Variants in BCAS4 observed in about 807,000 individuals in gnomAD.
BCAS4 encodes breast carcinoma amplified sequence 4.
A neutral mutation model predicts 15.7 loss-of-function variants in BCAS4; 9 were observed. The observed-to-expected ratio is 0.57, with a 90% CI of 0.34 to 1.00. BCAS4 has a LOEUF of 1.00. Ranked by LOEUF, BCAS4 falls within the 50% of genes least tolerant of loss-of-function variation. The pLI is 0.02. For synonymous variants in BCAS4, 101 were observed against 99.5 expected (o/e 1.02, Z -0.09); for missense variants, 225 against 239.1 (o/e 0.94, Z 0.39).
intron 4 of BCAS4, among the ~76,000 whole-genome samples, chr20:50,863,837 C>G (rs1238709148): frequency 1.3e-5 from 2 of 152,190 alleles, no homozygotes; most frequent in Admixed American, 6.5e-5. Flanking sequence ...AGCGAGGCCA[C>G]TGGGCACAGC....
At chr20:50,803,571 A>T (rs1393530789) in intron 1 of BCAS4, among the ~76,000 whole-genome samples, 2 of 152,090 alleles carry the variant, frequency 1.3e-5, no homozygotes, top group Non-Finnish European at 2.9e-5. Context: ...GGTCAGATGC[A>T]GTATCTCATG....
At chr20:50,869,397 G>A (rs1979519222) in intron 4 of BCAS4, among the ~76,000 whole-genome samples, 1 of 152,184 alleles carries the variant, frequency 6.6e-6, no homozygotes, top group South Asian at 2.1e-4. Flanking sequence ...TTGGATCCCA[G>A]CCTGTGAGTA....
intron 4 of BCAS4, among the ~76,000 whole-genome samples, chr20:50,873,580 C>G (rs1235083154): frequency 6.6e-6 from 1 of 152,270 alleles, no homozygotes; most frequent in Non-Finnish European, 1.5e-5. Flanking sequence ...AATTCCACAC[C>G]TGTGGGTTAC....
intron 1 of BCAS4, among the ~76,000 whole-genome samples, chr20:50,815,200 A>ACCACGCCGTGC (rs2088123206): frequency 6.6e-6 from 1 of 152,098 alleles, no homozygotes; most frequent in Admixed American, 6.6e-5. Context: ...AAGTGCCGTG[A>ACCACGCCGTGC]CCACGCCGTG....
intron 1 of BCAS4, among the ~76,000 whole-genome samples, chr20:50,817,473 T>C (rs1463316322): frequency 6.7e-6 from 1 of 150,286 alleles, no homozygotes; most frequent in African/African-American, 2.5e-5. Flanking sequence ...AGACATGTAC[T>C]TTTTTTTGAG....
At chr20:50,831,224 T>C (rs73127472) in intron 3 of BCAS4, among the ~76,000 whole-genome samples, 11,302 of 151,836 alleles carry the variant, frequency 0.074, 611 homozygotes, top group Admixed American at 0.16. Context: ...AGGCCAAGAG[T>C]TCGAAACCAC....
chr20:50,796,313 G>A (rs1287832783), intron 1 of BCAS4, among the ~76,000 whole-genome samples: 25 of 144,654 alleles, frequency 1.7e-4, no homozygotes, highest in Non-Finnish European at 3.8e-4. Context: ...AGGCTGCAGT[G>A]AGCTGAGATC....
chr20:50,794,989 G>C (rs970674141), upstream of BCAS4: 3 of 1,278,356 alleles, frequency 2.3e-6, no homozygotes, highest in East Asian at 9.5e-5. Flanking sequence ...GGCGGTCCGC[G>C]GGGCATGCAG....
intron 3 of BCAS4, among the ~76,000 whole-genome samples, chr20:50,832,538 A>G (rs938809086): frequency 6.6e-6 from 1 of 152,174 alleles, no homozygotes; most frequent in African/African-American, 2.4e-5. Context: ...GATTACAGGC[A>G]TGAGCCACCA....
intron 2 of BCAS4, 76 bp downstream of exon 2, chr20:50,818,358 C>T (rs1488994930): frequency 4.2e-6 from 6 of 1,435,118 alleles, no homozygotes; most frequent in Non-Finnish European, 4.8e-6. Context: ...TCTGCGGAAG[C>T]CATTTTGGTG....
chr20:50,869,044 C>A (rs1040472918), intron 4 of BCAS4, among the ~76,000 whole-genome samples: 1 of 152,252 alleles, frequency 6.6e-6, no homozygotes, highest in African/African-American at 2.4e-5. Flanking sequence ...TCTAGCCTCA[C>A]TGCCATGCTC....
chr20:50,843,128 T>A (rs1030430720), intron 4 of BCAS4, among the ~76,000 whole-genome samples: 1 of 151,952 alleles, frequency 6.6e-6, no homozygotes, highest in South Asian at 2.1e-4. Context: ...CCTGGCTAAT[T>A]TTTCTTTTTG....
chr20:50,856,523 C>T (rs1978767724), intron 4 of BCAS4, among the ~76,000 whole-genome samples: 1 of 152,214 alleles, frequency 6.6e-6, no homozygotes, highest in Non-Finnish European at 1.5e-5. Context: ...TGGGCATCTC[C>T]AAGCACCAAT....
chr20:50,849,406 C>T (rs1488552537), intron 4 of BCAS4, among the ~76,000 whole-genome samples: 1 of 152,212 alleles, frequency 6.6e-6, no homozygotes, highest in Non-Finnish European at 1.5e-5. Context: ...CAGCAGAGGC[C>T]TGGGGAGACC....
At chr20:50,814,847 C>T (rs1189638762) in intron 1 of BCAS4, among the ~76,000 whole-genome samples, 2 of 152,100 alleles carry the variant, frequency 1.3e-5, no homozygotes, top group African/African-American at 4.8e-5. Flanking sequence ...GTGGCTCATG[C>T]CTATAATATC....
chr20:50,829,733 C>T (rs1431144613), intron 2 of BCAS4, among the ~76,000 whole-genome samples: 1 of 151,710 alleles, frequency 6.6e-6, no homozygotes, highest in Non-Finnish European at 1.5e-5. Context: ...TGGCTTCATA[C>T]AGTTCACTTT....
intron 3 of BCAS4, among the ~76,000 whole-genome samples, chr20:50,838,264 C>T (rs142716137): frequency 3.9e-4 from 60 of 152,350 alleles, no homozygotes; most frequent in African/African-American, 1.3e-3. Context: ...TCAGCAGCTT[C>T]TGTTTTAGAA....
At chr20:50,810,507 AC>A (rs1442742946) in intron 1 of BCAS4, among the ~76,000 whole-genome samples, 1 of 151,926 alleles carries the variant, frequency 6.6e-6, no homozygotes, top group Non-Finnish European at 1.5e-5. Flanking sequence ...AGAGACAAAA[AC>A]CTGTGTCCTC....
rs551988597 is a variant in BCAS4, at chr20:50,840,984, C to T, written c.265-782C>T. On this transcript the variant is annotated intron_variant, in intron 3 of 4. Coordinates refer to ENST00000371608, the MANE Select transcript of BCAS4 (RefSeq NM_198799.4). ...AGCTGGGATTACGGGCATGTGCCAC[C>T]ATGTCCGGCTACTTTTTGTATTTTT... is the stretch of plus-strand genomic sequence containing the variant. 40 of 465,108 alleles carry T rather than the reference C, an allele frequency of 8.6e-5. No homozygotes were observed. The Middle Eastern group carries it at 3.2e-3, about 37-fold the overall frequency. The allele number at this position is 465,108 out of a possible 1,614,324, so 28.8% of individuals were successfully genotyped here.
Sources: gnomAD v4.1 joint callset for allele counts (sites outside exome capture counted in the v4.1 genomes callset) on GRCh38, gnomAD v4.1.1 for gene constraint, MANE v1.5 for transcripts, NCBI Gene and HGNC (gene_info 2026-07-23, HGNC 2026-07-21) for gene names.